Variants in EHD2 observed in about 807,000 individuals in gnomAD.
EHD2 encodes EH domain-containing protein 2.
EHD2 carries 27 observed loss-of-function variants against 41.0 expected under a neutral mutation model. The ratio of observed to expected loss-of-function variants is 0.66; its 90% confidence interval spans 0.49 to 0.91. The LOEUF (loss-of-function observed/expected upper bound fraction) is 0.91. EHD2 is among the 40% of genes least tolerant of loss of function. The probability of loss-of-function intolerance (pLI) is 0.00; values close to 1 mark genes in which losing one functional copy is unlikely to be tolerated. For missense variants in EHD2, 673 were observed against 773.9 expected (o/e 0.87, Z 1.55); for synonymous variants, 342 against 341.0 (o/e 1.00, Z -0.03).
intron 5 of EHD2, 111 bp from the exon 6 acceptor site, chr19:47,740,770 C>G (rs909505032): frequency 8.5e-6 from 10 of 1,177,930 alleles, no homozygotes; most frequent in Non-Finnish European, 1.2e-5. Flanking sequence ...AGTAAAAAAA[C>G]CCCACAACAG....
intron 2 of EHD2, among the ~76,000 whole-genome samples, chr19:47,717,743 C>G (rs936005741): frequency 8.0e-5 from 12 of 150,638 alleles, no homozygotes; most frequent in Non-Finnish European, 7.4e-5. Flanking sequence ...CCCGTCTCTA[C>G]CAAAAACACA....
At chr19:47,735,904 GA>G (rs58531394) in intron 4 of EHD2, among the ~76,000 whole-genome samples, 2 of 144,942 alleles carry the variant, frequency 1.4e-5, no homozygotes, top group East Asian at 4.1e-4. Context: ...ACTCTGTCTC[GA>G]AAAAAAAAAA....
chr19:47,717,694 G>A (rs971695433), intron 2 of EHD2, among the ~76,000 whole-genome samples: 1 of 151,922 alleles, frequency 6.6e-6, no homozygotes, highest in Non-Finnish European at 1.5e-5. Context: ...ATCACTTGAG[G>A]CCAGGAGTTG....
chr19:47,722,175 C>T (rs1413448503), intron 3 of EHD2, among the ~76,000 whole-genome samples: 1 of 152,172 alleles, frequency 6.6e-6, no homozygotes, highest in Non-Finnish European at 1.5e-5. Context: ...ATGGAAGTGC[C>T]AACAATGCCT....
chr19:47,715,432 C>T lies in EHD2; in HGVS notation c.-55-1126C>T, dbSNP rs113315089. On this transcript the variant is annotated intron_variant, in intron 1 of 5. Transcript: ENST00000263277. Reference sequence around the variant, plus strand: ...GGAGCAGCTCAAAAGTCAACCCTGCCCTGAGTCTTACTGGTGCTGTGGTCT... The same window carrying T: ...GGAGCAGCTCAAAAGTCAACCCTGCTCTGAGTCTTACTGGTGCTGTGGTCT... 5.0e-4 allele frequency among the ~76,000 whole-genome samples: 76 copies of T among 152,198 alleles called. 1 individual carries two copies. Among genetic ancestry groups the T allele is most frequent in the African/African-American group, 1.7e-3 (72 of 41,504 alleles).
rs1973751941 is a variant in EHD2, at chr19:47,726,293, G to GT, written c.915+70dup. On this transcript the variant is annotated intron_variant, in intron 4 of 5. Transcript: ENST00000263277. ...TCCTCGGTCCTCTCCTACCAGTGCT[G>GT]TGAGTCCCTGACTTATCAGGGCCCA... The GT allele has an allele frequency of 7.7e-6, 11 of 1,437,480 alleles. No homozygotes were observed. The East Asian group carries it at 2.5e-4, about 33-fold the overall frequency. 89.0% of individuals were successfully genotyped at this position (1,437,480 alleles called of 1,614,324 possible). A position where few individuals can be genotyped will look rare whatever the true frequency, so the allele number is the denominator to read the frequency against.
At chr19:47,725,760 T>A (rs1599893185) in intron 3 of EHD2, 52 bp from the exon 4 acceptor site, 9 of 1,528,710 alleles carry the variant, frequency 5.9e-6, no homozygotes, top group Non-Finnish European at 7.9e-6. Context: ...GGCTGGAGGG[T>A]GGGGGTCTGA....
At chr19:47,722,533 C>T (rs984952600) in intron 3 of EHD2, among the ~76,000 whole-genome samples, 2 of 152,022 alleles carry the variant, frequency 1.3e-5, no homozygotes, top group African/African-American at 4.8e-5. Flanking sequence ...TCGCCTCTTA[C>T]CTGTGTGTCT....
intron 4 of EHD2, among the ~76,000 whole-genome samples, 191 bp from the exon 5 acceptor site, chr19:47,736,178 A>G (rs7257133): frequency 0.53 from 80,483 of 151,954 alleles, 21,702 homozygotes; most frequent in African/African-American, 0.62. Flanking sequence ...CCTCGGTGAC[A>G]GAGCGAGACT....
rs574700748 is a variant in EHD2, at chr19:47,741,942, C to G, written c.*510C>G. On this transcript the variant is annotated 3_prime_UTR_variant, in exon 6 of 6. Coordinates refer to ENST00000263277, the MANE Select transcript of EHD2 (RefSeq NM_014601.4). This position sits in a 1 kb window ranked among gnomAD's most constrained non-coding sequence, Gnocchi z 4.5. ...AAATGACTAGCAGATAAACAGACCC[C>G]CTTCTGCTCCGCTTCCTCCTGCCCA... 1 of 456,412 alleles carries G rather than the reference C, an allele frequency of 2.2e-6. No homozygotes were observed. The highest frequency in any genetic ancestry group is 1.5e-5 in the South Asian group (1 of 64,562). The allele number at this position is 456,412 out of a possible 1,614,324, so 28.3% of individuals were successfully genotyped here. A position where few individuals can be genotyped will look rare whatever the true frequency, so the allele number is the denominator to read the frequency against.
At chr19:47,731,279 A>AAAATATATATATATATATAT in intron 4 of EHD2, 1 of 60,926 alleles carries the variant, frequency 1.6e-5, no homozygotes, top group African/African-American at 4.9e-5. Context: ...AAAAAAAAAA[A>AAAATATATATATATATATAT]ATATATATAT....
intron 5 of EHD2, among the ~76,000 whole-genome samples, chr19:47,739,098 C>A (rs978659697): frequency 6.6e-5 from 10 of 151,746 alleles, no homozygotes; most frequent in African/African-American, 1.5e-4. Flanking sequence ...TCTCTCCCCC[C>A]CTGCACACTT....
intron 5 of EHD2, among the ~76,000 whole-genome samples, chr19:47,737,313 CATTT>C (rs1244749956): frequency 6.6e-6 from 1 of 150,378 alleles, no homozygotes; most frequent in Non-Finnish European, 1.5e-5. Context: ...ATTTTATTTT[CATTT>C]ATTTATTTGA....
chr19:47,739,750 G>GTT (rs553454212), intron 5 of EHD2, among the ~76,000 whole-genome samples: 2 of 145,276 alleles, frequency 1.4e-5, no homozygotes. Flanking sequence ...AGCCTGCTGA[G>GTT]TTTTTTTTTT....
intron 3 of EHD2, among the ~76,000 whole-genome samples, chr19:47,724,643 G>T (rs1189689287): frequency 6.6e-6 from 1 of 152,200 alleles, no homozygotes; most frequent in Non-Finnish European, 1.5e-5. Flanking sequence ...GGGAACCCAT[G>T]GCTGGGATGG....
chr19:47,718,660 C>T (rs1298369792), intron 3 of EHD2, 54 bp downstream of exon 3: 2 of 1,473,614 alleles, frequency 1.4e-6, no homozygotes, highest in Non-Finnish European at 9.2e-7. Context: ...GGCCTGGACT[C>T]CTGGGTCTGA....
At position 47,736,414 on chromosome 19, in the gene EHD2, G is replaced by A. The variant is rs372565732; in HGVS notation, c.961G>A (p.Val321Met). 6 of 1,613,328 alleles carry A rather than the reference G, an allele frequency of 3.7e-6. No individual in the cohort carries two copies. The African/African-American group carries it at 8.0e-5, about 22-fold the overall frequency. The change falls in exon 5 of 6, where the codon GTG becomes ATG. Residue 321 changes from valine (V) to methionine (M), a missense_variant. By Grantham distance (21) the Val-to-Met change is conservative (BLOSUM62 1). Coordinates refer to ENST00000263277, the MANE Select transcript of EHD2 (RefSeq NM_014601.4). ...CTACCTGAAGAAGGAGATGCCCTCT[G>A]TGTTTGGGAAGGAGAACAAGAAGAA... ...ISYLKKEMPSVFGKENKKKQL... is the reference protein window; with the variant it reads ...ISYLKKEMPSMFGKENKKKQL...
chr19:47,726,752 C>T (rs1973757712), intron 4 of EHD2, among the ~76,000 whole-genome samples: 2 of 152,276 alleles, frequency 1.3e-5, no homozygotes, highest in African/African-American at 4.8e-5. Flanking sequence ...TCACAGCTCA[C>T]CACAGCCTTG....
chr19:47,730,244 C>T (rs949087915), intron 4 of EHD2, among the ~76,000 whole-genome samples: 2 of 152,084 alleles, frequency 1.3e-5, no homozygotes, highest in African/African-American at 2.4e-5. Context: ...GCCCTCCCGC[C>T]TACCCTCCTT....
Sources: allele counts gnomAD v4.1 joint callset (sites outside exome capture counted in the v4.1 genomes callset), GRCh38; gene constraint gnomAD v4.1.1; non-coding constraint Gnocchi (gnomAD v3.1); transcripts MANE v1.5; gene names NCBI Gene and HGNC (gene_info 2026-07-23, HGNC 2026-07-21).